GSAP: variants seen among roughly 807,000 people sequenced by gnomAD.
The protein encoded by GSAP is gamma-secretase activating protein.
A neutral mutation model predicts 131.7 loss-of-function variants in GSAP; 118 were observed. The ratio of observed to expected loss-of-function variants is 0.90; its 90% confidence interval spans 0.77 to 1.04. The LOEUF (loss-of-function observed/expected upper bound fraction) is 1.04, where lower values mean the gene tolerates loss of function less well. Among genes scored for constraint, GSAP ranks in the 50% least tolerant of loss-of-function variants. The pLI, the probability that GSAP is intolerant of heterozygous loss-of-function variation, is 0.00. For missense variants in GSAP, 1,019 were observed against 1,013.2 expected (o/e 1.01, Z -0.08); for synonymous variants, 381 against 363.4 (o/e 1.05, Z -0.55).
chr7:77,346,977 T>C (rs1792008056), intron 19 of GSAP, among the ~76,000 whole-genome samples: 1 of 110,778 alleles, frequency 9.0e-6, no homozygotes, highest in Admixed American at 1.3e-4. Context: ...TGATTGCAGA[T>C]CTTAAGACCC....
intron 5 of GSAP, among the ~76,000 whole-genome samples, chr7:77,394,775 T>C (rs1298356872): frequency 6.6e-6 from 1 of 152,216 alleles, no homozygotes; most frequent in Admixed American, 6.5e-5. Context: ...TCATGGGTTA[T>C]TCTCCTGGGC....
At chr7:77,377,258 A>AAAAAAAAAT in intron 9 of GSAP, 28 bp downstream of exon 9, 3 of 1,400,730 alleles carry the variant, frequency 2.1e-6, no homozygotes, top group Non-Finnish European at 2.8e-6. Flanking sequence ...AAAAAAAAAA[A>AAAAAAAAAT]GGAGTGCCCG....
chr7:77,384,258 G>A (rs867137269), intron 6 of GSAP, among the ~76,000 whole-genome samples: 1 of 152,208 alleles, frequency 6.6e-6, no homozygotes, highest in Admixed American at 6.5e-5. Context: ...AATGTGACAT[G>A]GACTGAGGTG....
chr7:77,330,522 G>T, intron 19 of GSAP, 155 bp from the exon 20 acceptor site: 1 of 1,243,038 alleles, frequency 8.0e-7, no homozygotes, highest in Non-Finnish European at 1.0e-6. Context: ...ACCCAATAGG[G>T]ATTCTAAAAT....
At chr7:77,390,319 T>C (rs1230085170) in intron 5 of GSAP, among the ~76,000 whole-genome samples, 8 of 152,154 alleles carry the variant, frequency 5.3e-5, no homozygotes, top group Admixed American at 2.0e-4. Context: ...TTGGCTTTTG[T>C]TGCCATTGCT....
intron 10 of GSAP, among the ~76,000 whole-genome samples, chr7:77,376,596 A>C (rs1242256509): frequency 6.6e-6 from 1 of 152,080 alleles, no homozygotes; most frequent in Non-Finnish European, 1.5e-5. Context: ...TAATACAGTG[A>C]AGCCCTGTCT....
At chr7:77,321,254 C>A (rs576723545) in intron 25 of GSAP, 79 bp downstream of exon 25, 9 of 844,702 alleles carry the variant, frequency 1.1e-5, no homozygotes, top group Non-Finnish European at 1.8e-5. Flanking sequence ...TGAACTAGTG[C>A]ATTTCAAAAG....
chr7:77,390,466 G>T (rs1799294725), intron 5 of GSAP, among the ~76,000 whole-genome samples: 1 of 152,224 alleles, frequency 6.6e-6, no homozygotes, highest in East Asian at 1.9e-4. Context: ...TTTGTATAAG[G>T]TGTAAGGAAG....
intron 5 of GSAP, among the ~76,000 whole-genome samples, chr7:77,394,332 A>T (rs1800032478): frequency 6.6e-6 from 1 of 152,098 alleles, no homozygotes; most frequent in Admixed American, 6.5e-5. Context: ...CTATCCTTGA[A>T]CAGCGAGTCT....
intron 19 of GSAP, among the ~76,000 whole-genome samples, chr7:77,346,813 C>T (rs1437613912): frequency 2.6e-5 from 4 of 152,120 alleles, no homozygotes; most frequent in Admixed American, 6.6e-5. Context: ...GCCTTTGTTA[C>T]AGCCTGATGT....
intron 18 of GSAP, among the ~76,000 whole-genome samples, chr7:77,350,427 TA>T (rs751767423): frequency 0.036 from 4,814 of 133,420 alleles, 97 homozygotes; most frequent in Non-Finnish European, 0.04. Context: ...GTATAATAAT[TA>T]AAAAAAAAAA....
chr7:77,358,559 ACTT>A (rs1794087897), intron 14 of GSAP, among the ~76,000 whole-genome samples: 1 of 152,200 alleles, frequency 6.6e-6, no homozygotes, highest in African/African-American at 2.4e-5. Context: ...TTTAGTTAAA[ACTT>A]TAATGTTTGA....
chr7:77,333,556 G>A (rs1196684560), intron 19 of GSAP, among the ~76,000 whole-genome samples: 1 of 152,190 alleles, frequency 6.6e-6, no homozygotes, highest in Non-Finnish European at 1.5e-5. Flanking sequence ...ACTGACAACA[G>A]TGAGCATGTT....
At chr7:77,314,592 G>T in intron 26 of GSAP, 103 bp from the exon 27 acceptor site, 9 of 1,268,014 alleles carry the variant, frequency 7.1e-6, no homozygotes, top group East Asian at 2.4e-5. Context: ...TTCAGTGCTT[G>T]GTGCCTGGAA....
At chr7:77,408,780 CATTG>C (rs1009428683) in intron 1 of GSAP, among the ~76,000 whole-genome samples, 4 of 149,104 alleles carry the variant, frequency 2.7e-5, no homozygotes. Flanking sequence ...ATGTTAATTA[CATTG>C]ATTATGACAA....
chr7:77,342,487 C>A (rs1396792429), intron 19 of GSAP, among the ~76,000 whole-genome samples: 1 of 152,094 alleles, frequency 6.6e-6, no homozygotes, highest in East Asian at 1.9e-4. Context: ...TATCTGCTTG[C>A]CTGACTATTC....
chr7:77,331,486 G>A (rs1789148983), intron 19 of GSAP, among the ~76,000 whole-genome samples: 1 of 152,110 alleles, frequency 6.6e-6, no homozygotes. Flanking sequence ...GCCTGCCAAG[G>A]TGACAAGACT....
intron 14 of GSAP, among the ~76,000 whole-genome samples, chr7:77,358,138 C>T (rs756496965): frequency 7.2e-5 from 11 of 152,036 alleles, no homozygotes; most frequent in South Asian, 2.1e-4. Context: ...GTCAGGAGTT[C>T]GAGACCAGCC....
At chr7:77,314,277 C>T in intron 27 of GSAP, 93 bp downstream of exon 27, 1 of 1,324,456 alleles carries the variant, frequency 7.6e-7, no homozygotes, top group East Asian at 2.3e-5. Context: ...TGCAGCCAGG[C>T]TCTTGGTGAC....
Sources: allele counts gnomAD v4.1 joint callset (sites outside exome capture counted in the v4.1 genomes callset), GRCh38; gene constraint gnomAD v4.1.1; transcripts MANE v1.5; gene names NCBI Gene and HGNC (gene_info 2026-07-23, HGNC 2026-07-21).